UBXN2B: variants seen among roughly 807,000 people sequenced by gnomAD.
UBXN2B encodes the protein UBX domain protein 2B.
In UBXN2B, 19 loss-of-function variants were observed where a neutral mutation model predicts 37.5. The ratio of observed to expected loss-of-function variants is 0.51; its 90% CI spans 0.35 to 0.74. The LOEUF is 0.74. Ranked by LOEUF, UBXN2B falls within the 30% of genes least tolerant of loss-of-function variation. UBXN2B has a pLI of 0.01. For missense variants in UBXN2B, 370 were observed against 393.2 expected, an observed-to-expected ratio of 0.94 and a Z score of 0.50; for synonymous variants, 145 against 143.8, an observed-to-expected ratio of 1.01 and a Z score of -0.06.
chr8:58,418,241 C>CAAAAAAAAAAAAAAAAAAAAAAAAAA (rs56073006), intron 2 of UBXN2B, among the ~76,000 whole-genome samples: 1 of 109,126 alleles, frequency 9.2e-6, no homozygotes, highest in Non-Finnish European at 1.9e-5. Flanking sequence ...ACTCTGTCTC[C>CAAAAAAAAAAAAAAAAAAAAAAAAAA]AAAAAAAAAA....
At chr8:58,438,790 GAGA>G (rs780961169) in intron 5 of UBXN2B, among the ~76,000 whole-genome samples, 3 of 152,166 alleles carry the variant, frequency 2.0e-5, no homozygotes, top group Non-Finnish European at 4.4e-5. Flanking sequence ...TTTGTGATGT[GAGA>G]AGGACATGAG....
At chr8:58,418,956 A>T (rs1200007016) in intron 2 of UBXN2B, among the ~76,000 whole-genome samples, 1 of 152,248 alleles carries the variant, frequency 6.6e-6, no homozygotes, top group Non-Finnish European at 1.5e-5. Context: ...AGATTACTGT[A>T]TTAATATTTT....
chr8:58,439,807 A>G lies in UBXN2B; in HGVS notation c.671+37A>G, dbSNP rs1395234867. On this transcript the variant is annotated intron_variant, in intron 6 of 7. Coordinates refer to ENST00000399598, the MANE Select transcript of UBXN2B (RefSeq NM_001077619.2). ...AAAATGAGAAAAATACCTTTGTTGA[A>G]CATGAATTTTTCTTTGAGAATAAGA... The G allele has an allele frequency of 1.2e-5, 19 of 1,561,778 alleles. No homozygotes were observed. In the Admixed American group the frequency reaches 3.4e-4, roughly 28 times the overall value.
At chr8:58,442,576 A>G (rs1221225819) in intron 6 of UBXN2B, among the ~76,000 whole-genome samples, 1 of 152,242 alleles carries the variant, frequency 6.6e-6, no homozygotes, top group African/African-American at 2.4e-5. Flanking sequence ...ATATACAATT[A>G]TGGTGCAAAC....
At chr8:58,416,026 T>C (rs1353581057) in intron 1 of UBXN2B, among the ~76,000 whole-genome samples, 1 of 151,470 alleles carries the variant, frequency 6.6e-6, no homozygotes, top group Non-Finnish European at 1.5e-5. Flanking sequence ...TGATTTTGGG[T>C]TTTTTTGTTT....
At chr8:58,435,160 G>A (rs2129604348) in intron 5 of UBXN2B, 1 of 1,337,874 alleles carries the variant, frequency 7.5e-7, no homozygotes. Flanking sequence ...ATAAAGTTGA[G>A]CATAAACTGG....
chr8:58,434,747 A>T, intron 5 of UBXN2B: 2 of 1,477,962 alleles, frequency 1.4e-6, no homozygotes, highest in Non-Finnish European at 9.0e-7. Flanking sequence ...TTAAAATCTG[A>T]TGAAACTATG....
chr8:58,417,181 A>G (rs1380128347), intron 2 of UBXN2B, among the ~76,000 whole-genome samples: 1 of 152,172 alleles, frequency 6.6e-6, no homozygotes, highest in Non-Finnish European at 1.5e-5. Context: ...CGGAAAAATT[A>G]CCTTAAAATA....
At chr8:58,420,805 C>T (rs1287155216) in intron 2 of UBXN2B, among the ~76,000 whole-genome samples, 3 of 152,066 alleles carry the variant, frequency 2.0e-5, no homozygotes, top group Non-Finnish European at 4.4e-5. Context: ...GAAAAAAGAA[C>T]AAATTTTTAA....
At chr8:58,427,774 C>A (rs1808142257) in intron 2 of UBXN2B, among the ~76,000 whole-genome samples, 1 of 152,084 alleles carries the variant, frequency 6.6e-6, no homozygotes, top group Non-Finnish European at 1.5e-5. Context: ...GGTAAAAGCA[C>A]ATATTTCAGA....
intron 1 of UBXN2B, among the ~76,000 whole-genome samples, chr8:58,413,620 T>C (rs898119319): frequency 6.6e-6 from 1 of 152,080 alleles, no homozygotes; most frequent in Admixed American, 6.5e-5. Context: ...AGTAAGTGTA[T>C]CTTAGCTGCC....
chr8:58,436,272 A>C (rs1343357595), intron 5 of UBXN2B, among the ~76,000 whole-genome samples: 1 of 152,250 alleles, frequency 6.6e-6, no homozygotes, highest in African/African-American at 2.4e-5. Flanking sequence ...ACATGGTCGT[A>C]AAGTGGACTT....
intron 6 of UBXN2B, among the ~76,000 whole-genome samples, chr8:58,440,996 TC>T (rs1808526076): frequency 6.6e-6 from 1 of 150,724 alleles, no homozygotes; most frequent in South Asian, 2.1e-4. Context: ...TCTTTCTTTC[TC>T]TTTTTTTTTT....
chr8:58,419,803 A>T (rs1054507126), intron 2 of UBXN2B, among the ~76,000 whole-genome samples: 17 of 152,268 alleles, frequency 1.1e-4, no homozygotes, highest in African/African-American at 3.6e-4. Flanking sequence ...GCTTAGTAGC[A>T]AATAAGGTTG....
intron 5 of UBXN2B, among the ~76,000 whole-genome samples, chr8:58,436,505 A>G (rs1393521849): frequency 6.6e-6 from 1 of 152,178 alleles, no homozygotes; most frequent in African/African-American, 2.4e-5. Context: ...GAATGACAGC[A>G]GTGCTCACAG....
intron 4 of UBXN2B, among the ~76,000 whole-genome samples, chr8:58,434,056 A>T (rs1321852830): frequency 1.1e-4 from 16 of 152,242 alleles, no homozygotes; most frequent in Admixed American, 1.0e-3. Context: ...GGAAGTGGGA[A>T]TCATGGAGTA....
intron 2 of UBXN2B, among the ~76,000 whole-genome samples, chr8:58,417,546 G>A (rs560548049): frequency 6.6e-6 from 1 of 152,282 alleles, no homozygotes; most frequent in Admixed American, 6.5e-5. Context: ...AACCAACTGT[G>A]AAGACTTAAG....
chr8:58,418,320 T>C lies in UBXN2B; in HGVS notation c.188+1367T>C, dbSNP rs543225335. 2.8e-4 allele frequency among the ~76,000 whole-genome samples: 43 copies of C among 152,146 alleles called. 1 individual carries two copies. The highest frequency in any genetic ancestry group is 4.9e-4 in the Non-Finnish European group (33 of 68,022). ...TATATAGTTAGTAGTCACATATCTC[T>C]TATAGCTTTTTCTTTGGATTTAGGA... On this transcript the variant is annotated intron_variant, in intron 2 of 7. Transcript: ENST00000399598.
At chr8:58,424,600 C>CT (rs1416841682) in intron 2 of UBXN2B, 42 of 1,127,602 alleles carry the variant, frequency 3.7e-5, no homozygotes, top group Non-Finnish European at 5.5e-5. Flanking sequence ...ATCTGAAACT[C>CT]TTCTGCTGTT....
Sources: gnomAD v4.1 joint callset for allele counts (sites outside exome capture counted in the v4.1 genomes callset) on GRCh38, gnomAD v4.1.1 for gene constraint, MANE v1.5 for transcripts, NCBI Gene and HGNC (gene_info 2026-07-23, HGNC 2026-07-21) for gene names.